TCF7L2: variants seen among roughly 807,000 people sequenced by gnomAD.
TCF7L2 encodes the protein transcription factor 7 like 2.
In TCF7L2, 23 loss-of-function variants were observed where a neutral mutation model predicts 77.9. The ratio of observed to expected loss-of-function variants is 0.30; its 90% CI spans 0.21 to 0.42. TCF7L2 has a LOEUF of 0.42. Among genes scored for constraint, TCF7L2 ranks in the 10% least tolerant of loss-of-function variants. The pLI is 1.00. For missense variants in TCF7L2, 654 were observed against 793.1 expected (o/e 0.82, Z 2.11); for synonymous variants, 413 against 340.2 (o/e 1.21, Z -2.36).
At chr10:113,141,387 A>AGGGGCCT in intron 6 of TCF7L2, 71 bp downstream of exon 6, 1 of 1,601,858 alleles carries the variant, frequency 6.2e-7, no homozygotes, top group Non-Finnish European at 8.5e-7. Flanking sequence ...TGAGGCCTCC[A>AGGGGCCT]CAGGAACCCC....
At chr10:113,097,669 A>T (rs191322307) in intron 5 of TCF7L2, among the ~76,000 whole-genome samples, 2,587 of 123,034 alleles carry the variant, frequency 0.021, 48 homozygotes, top group Non-Finnish European at 0.037. Context: ...AAAAAAAAAA[A>T]AAAAACAACC....
At chr10:113,161,192 C>A in intron 13 of TCF7L2, 1 of 251,062 alleles carries the variant, frequency 4.0e-6, no homozygotes, top group Non-Finnish European at 7.6e-6. Context: ...GTTTAAAAAC[C>A]ACATGTCTGT....
intron 11 of TCF7L2, among the ~76,000 whole-genome samples, chr10:113,156,641 C>T (rs577919401): frequency 6.6e-6 from 1 of 152,228 alleles, no homozygotes; most frequent in Admixed American, 6.5e-5. Context: ...GAATTCCCCC[C>T]AGTCCCATTC....
intron 4 of TCF7L2, among the ~76,000 whole-genome samples, chr10:112,983,897 C>G (rs1427025593): frequency 6.6e-6 from 1 of 152,214 alleles, no homozygotes; most frequent in Non-Finnish European, 1.5e-5. Context: ...GGCCTGTTCA[C>G]ACATAAACTT....
At chr10:113,157,937 T>G (rs778395512) in intron 11 of TCF7L2, 84 bp from the exon 12 acceptor site, 7 of 1,426,482 alleles carry the variant, frequency 4.9e-6, no homozygotes, top group African/African-American at 1.4e-5. Flanking sequence ...CACTTCCTCC[T>G]GCCTTCTCCT....
At chr10:113,086,348 A>G (rs2059830763) in intron 5 of TCF7L2, among the ~76,000 whole-genome samples, 1 of 152,242 alleles carries the variant, frequency 6.6e-6, no homozygotes, top group African/African-American at 2.4e-5. Context: ...GGCATCAGGC[A>G]TGGTTGCATC....
intron 4 of TCF7L2, among the ~76,000 whole-genome samples, chr10:112,967,862 C>T (rs938105830): frequency 9.2e-5 from 14 of 151,984 alleles, no homozygotes; most frequent in Admixed American, 2.0e-4. Context: ...CTCGAACTCC[C>T]GACCTCAGGT....
In TCF7L2 at chr10:113,166,448, T is replaced by C. The variant is rs1054891746; in HGVS notation, c.*476T>C. 1.3e-5 allele frequency: 2 copies of C among 158,288 alleles called. No individual in the cohort carries two copies. Among genetic ancestry groups the C allele is most frequent in the East Asian group, 8.1e-5 (1 of 12,296 alleles). 9.8% of individuals were successfully genotyped at this position (158,288 alleles called of 1,614,324 possible). ...TAAGGGCACCATGAATGCAGTGCCG[T>C]TACTTTTTTTTTTTTTTTCTGTGTG... On this transcript the variant is annotated 3_prime_UTR_variant, in exon 14 of 14. Coordinates refer to ENST00000627217, the MANE Select transcript of TCF7L2 (RefSeq NM_001146274.2).
chr10:113,160,764 A>G, intron 13 of TCF7L2: 1 of 1,399,226 alleles, frequency 7.1e-7, no homozygotes, highest in Non-Finnish European at 9.7e-7. Context: ...GTGATAATTT[A>G]TTTTGACCTC....
intron 5 of TCF7L2, among the ~76,000 whole-genome samples, chr10:113,074,072 G>A (rs937437818): frequency 4.6e-5 from 7 of 152,150 alleles, no homozygotes; most frequent in East Asian, 1.9e-4. Flanking sequence ...TTTCTGGGGC[G>A]GTCGCAGGCT....
chr10:112,955,154 G>T (rs2033190458), intron 3 of TCF7L2, among the ~76,000 whole-genome samples: 1 of 140,186 alleles, frequency 7.1e-6, no homozygotes, highest in Non-Finnish European at 1.5e-5. Flanking sequence ...GACATTCCAA[G>T]CCCCTACATA....
At position 112,973,878 on chromosome 10, in the gene TCF7L2, C is replaced by T. The variant is rs185612218; in HGVS notation, c.450+9254C>T. ...GTACTGGGATTATAGGTGGGGGCCA[C>T]TGCACCCTGCCAATTTTTAATTGTT... On this transcript the variant is annotated intron_variant, in intron 4 of 13. Transcript: ENST00000627217. Among the ~76,000 whole-genome samples the T allele has an allele frequency of 8.4e-3, 1,273 of 152,306 alleles. 10 individuals carry two copies. Among genetic ancestry groups the T allele is most frequent in the Non-Finnish European group, 0.011 (761 of 68,032 alleles).
chr10:113,051,150 G>C (rs1237883328), intron 5 of TCF7L2, among the ~76,000 whole-genome samples: 9 of 151,798 alleles, frequency 5.9e-5, no homozygotes, highest in African/African-American at 2.2e-4. Context: ...TTTCCACGCA[G>C]AGAGGATCTA....
intron 4 of TCF7L2, among the ~76,000 whole-genome samples, chr10:112,992,325 C>T (rs538660871): frequency 2.0e-5 from 3 of 152,332 alleles, no homozygotes; most frequent in South Asian, 2.1e-4. Flanking sequence ...CCATTCCGCA[C>T]GCCACCCTCG....
intron 4 of TCF7L2, among the ~76,000 whole-genome samples, chr10:112,976,504 T>C (rs2039449792): frequency 6.6e-6 from 1 of 152,166 alleles, no homozygotes; most frequent in African/African-American, 2.4e-5. Flanking sequence ...TACTCAGAGA[T>C]TGTGTTTTAC....
intron 5 of TCF7L2, among the ~76,000 whole-genome samples, chr10:113,095,065 C>T (rs2060805330): frequency 6.6e-6 from 1 of 152,154 alleles, no homozygotes; most frequent in Non-Finnish European, 1.5e-5. Flanking sequence ...GAGATTGCAC[C>T]TTTGCATTCC....
intron 4 of TCF7L2, among the ~76,000 whole-genome samples, chr10:113,028,546 G>T (rs945102878): frequency 5.3e-5 from 8 of 151,872 alleles, no homozygotes; most frequent in African/African-American, 1.9e-4. Flanking sequence ...GTGACAAGGG[G>T]AAAAAAAACA....
At chr10:113,002,422 G>A (rs1371460235) in intron 4 of TCF7L2, among the ~76,000 whole-genome samples, 2 of 152,138 alleles carry the variant, frequency 1.3e-5, no homozygotes, top group Admixed American at 6.5e-5. Context: ...CTGGCATCTC[G>A]TGGGCAGAGG....
At chr10:113,141,818 A>G (rs1214069496) in intron 6 of TCF7L2, among the ~76,000 whole-genome samples, 1 of 152,204 alleles carries the variant, frequency 6.6e-6, no homozygotes, top group African/African-American at 2.4e-5. Flanking sequence ...AAAAAGCCAC[A>G]TCACTGGATT....
Sources: allele counts gnomAD v4.1 joint callset (sites outside exome capture counted in the v4.1 genomes callset), GRCh38; gene constraint gnomAD v4.1.1; transcripts MANE v1.5; gene names NCBI Gene and HGNC (gene_info 2026-07-23, HGNC 2026-07-21).